The following VPS13B variants were observed in gnomAD, a reference collection of about 807,000 sequenced individuals.
VPS13B encodes the protein intermembrane lipid transfer protein VPS13B.
In VPS13B, 285 loss-of-function variants were observed where a neutral mutation model predicts 426.4. The ratio of observed to expected loss-of-function variants is 0.67; its 90% CI spans 0.61 to 0.74. VPS13B has a LOEUF of 0.74. Among genes scored for constraint, VPS13B ranks in the 30% least tolerant of loss-of-function variants. The probability of loss-of-function intolerance (pLI) is 0.00; values close to 1 mark genes in which losing one functional copy is unlikely to be tolerated. For missense variants in VPS13B, 4,537 were observed against 4,782.6 expected, an observed-to-expected ratio of 0.95 and a Z score of 1.51; for synonymous variants, 1,676 against 1,676.4, an observed-to-expected ratio of 1.00 and a Z score of 0.01.
chr8:99,431,426 A>G, intron 21 of VPS13B, 111 bp from the exon 22 acceptor site: 2 of 1,358,160 alleles, frequency 1.5e-6, no homozygotes, highest in Middle Eastern at 1.9e-4. Flanking sequence ...AATCTCATAT[A>G]AAAATTATAA....
chr8:99,169,077 C>G (rs1223504412), intron 15 of VPS13B, among the ~76,000 whole-genome samples: 1 of 151,794 alleles, frequency 6.6e-6, no homozygotes, highest in Non-Finnish European at 1.5e-5. Context: ...TGAAGAAATT[C>G]TAAACATATT....
At chr8:99,373,401 A>C (rs773916597) in intron 19 of VPS13B, among the ~76,000 whole-genome samples, 2 of 152,050 alleles carry the variant, frequency 1.3e-5, no homozygotes, top group Non-Finnish European at 2.9e-5. Context: ...TTATTATTTT[A>C]GTAGTGTATA....
At chr8:99,636,414 T>A (rs1351590733) in intron 33 of VPS13B, among the ~76,000 whole-genome samples, 1 of 152,018 alleles carries the variant, frequency 6.6e-6, no homozygotes, top group East Asian at 1.9e-4. Context: ...TAAATTCCCT[T>A]TTGTTTTAGT....
At chr8:99,157,277 T>G (rs894935783) in intron 15 of VPS13B, among the ~76,000 whole-genome samples, 69 of 152,054 alleles carry the variant, frequency 4.5e-4, no homozygotes, top group African/African-American at 1.6e-3. Flanking sequence ...TGTGTGTGTT[T>G]TTTTTTTTTA....
rs117720669 is a variant in VPS13B at position 99,198,092 on chromosome 8, T to G, written c.2515+5035T>G. 8.0e-3 allele frequency among the ~76,000 whole-genome samples: 1,214 copies of G among 152,262 alleles called. 10 individuals carry two copies. The highest frequency in any genetic ancestry group is 0.014 in the Middle Eastern group (4 of 292). The stretch of plus-strand genomic sequence containing the variant: ...TTTATCTTCAAAAAACGTTTTAATT[T>G]GATGATTATTTAAGTAGACTGTGTT... On this transcript the variant is annotated intron_variant, in intron 17 of 61. Transcript: ENST00000357162.
chr8:99,366,026 C>T (rs1440884196), intron 19 of VPS13B, among the ~76,000 whole-genome samples: 1 of 150,780 alleles, frequency 6.6e-6, no homozygotes, highest in Non-Finnish European at 1.5e-5. Flanking sequence ...GTGATTTGTC[C>T]TTGAGAAAGA....
intron 55 of VPS13B, among the ~76,000 whole-genome samples, chr8:99,852,407 G>A (rs1453829835): frequency 6.6e-6 from 1 of 152,192 alleles, no homozygotes; most frequent in Non-Finnish European, 1.5e-5. Context: ...GAAGATGGGG[G>A]TGAGAAGAGG....
chr8:99,600,618 G>C (rs1314196042), intron 33 of VPS13B, among the ~76,000 whole-genome samples: 2 of 152,148 alleles, frequency 1.3e-5, no homozygotes, highest in African/African-American at 4.8e-5. Context: ...TAGTAATTCA[G>C]ATAACGAAAG....
At chr8:99,425,337 T>C (rs1217866181) in intron 21 of VPS13B, among the ~76,000 whole-genome samples, 1 of 152,054 alleles carries the variant, frequency 6.6e-6, no homozygotes, top group Non-Finnish European at 1.5e-5. Flanking sequence ...ACAAACCAAA[T>C]CCAGCAGCAC....
At chr8:99,042,659 G>A (rs1430941141) in intron 3 of VPS13B, among the ~76,000 whole-genome samples, 1 of 151,948 alleles carries the variant, frequency 6.6e-6, no homozygotes, top group Admixed American at 6.6e-5. Flanking sequence ...TGTTTGTTTT[G>A]TTTCTGTTTT....
At chr8:99,079,925 CAAA>C (rs1354807619) in intron 3 of VPS13B, among the ~76,000 whole-genome samples, 2 of 119,908 alleles carry the variant, frequency 1.7e-5, no homozygotes, top group Non-Finnish European at 1.8e-5. Flanking sequence ...AACTCCATCT[CAAA>C]AAAAAAAAAA....
intron 33 of VPS13B, among the ~76,000 whole-genome samples, chr8:99,599,257 G>C (rs542934004): frequency 2.0e-5 from 3 of 151,734 alleles, no homozygotes; most frequent in Admixed American, 2.0e-4. Flanking sequence ...CTGTCTCCCC[G>C]GGCCTCTCCC....
intron 56 of VPS13B, among the ~76,000 whole-genome samples, chr8:99,857,898 G>A (rs1816633782): frequency 6.6e-6 from 1 of 152,192 alleles, no homozygotes; most frequent in South Asian, 2.1e-4. Flanking sequence ...TCCCTCCTTT[G>A]CCCTAAACCC....
intron 33 of VPS13B, among the ~76,000 whole-genome samples, chr8:99,589,107 T>A (rs1826460804): frequency 6.6e-6 from 1 of 151,812 alleles, no homozygotes; most frequent in South Asian, 2.1e-4. Context: ...TGTTTATTGA[T>A]TTGCATATGT....
intron 30 of VPS13B, among the ~76,000 whole-genome samples, chr8:99,546,491 C>G (rs953673565): frequency 1.3e-5 from 2 of 151,906 alleles, no homozygotes; most frequent in African/African-American, 2.4e-5. Context: ...TGTGGTTTCC[C>G]ATTTGGACTA....
chr8:99,677,442 A>G (rs530920553), intron 35 of VPS13B, among the ~76,000 whole-genome samples: 67 of 152,386 alleles, frequency 4.4e-4, no homozygotes, highest in African/African-American at 1.5e-3. Context: ...TGATTTATCA[A>G]AATGAAACAG....
At chr8:99,156,838 A>G (rs1811388455) in intron 15 of VPS13B, 95 bp downstream of exon 15, 1 of 1,157,478 alleles carries the variant, frequency 8.6e-7, no homozygotes, top group Non-Finnish European at 1.3e-6. Flanking sequence ...TTTCAGAGAA[A>G]TAGTACTCTA....
At chr8:99,605,944 A>G (rs1429512253) in intron 33 of VPS13B, among the ~76,000 whole-genome samples, 1 of 152,140 alleles carries the variant, frequency 6.6e-6, no homozygotes, top group Non-Finnish European at 1.5e-5. Flanking sequence ...CACCCAGGCT[A>G]GAGTGCAGTG....
At chr8:99,840,494 A>G (rs1481926697) in intron 54 of VPS13B, among the ~76,000 whole-genome samples, 1 of 152,154 alleles carries the variant, frequency 6.6e-6, no homozygotes, top group Non-Finnish European at 1.5e-5. Context: ...ATGTTCATCC[A>G]GGTCATTAAT....
Sources: allele counts gnomAD v4.1 joint callset (sites outside exome capture counted in the v4.1 genomes callset), GRCh38; gene constraint gnomAD v4.1.1; transcripts MANE v1.5; gene names NCBI Gene and HGNC (gene_info 2026-07-23, HGNC 2026-07-21).